The following SYNPO variants were observed in gnomAD, a reference collection of about 807,000 sequenced individuals.
SYNPO encodes synaptopodin.
In SYNPO, 19 loss-of-function variants were observed where a neutral mutation model predicts 49.5. That is an observed-to-expected ratio of 0.38 (90% confidence interval 0.27 to 0.56). The LOEUF is 0.56. SYNPO is among the 20% of genes least tolerant of loss of function. SYNPO has a pLI of 0.68. For missense variants in SYNPO, 1,131 were observed against 1,248.3 expected, an observed-to-expected ratio of 0.91 and a Z score of 1.42; for synonymous variants, 536 against 548.0, an observed-to-expected ratio of 0.98 and a Z score of 0.31.
intron 2 of SYNPO, chr5:150,652,189 T>G (rs965717200): frequency 2.0e-6 from 2 of 1,000,976 alleles, no homozygotes; most frequent in Non-Finnish European, 2.4e-6. Flanking sequence ...CAGAACAGAG[T>G]GAAGCCCCTG....
chr5:150,658,701 C>T lies in SYNPO; in HGVS notation c.*1614C>T, dbSNP rs748542558. 5 of 152,382 alleles carry T rather than the reference C, an allele frequency of 3.3e-5. No homozygotes were observed. The highest frequency in any genetic ancestry group is 1.2e-4 in the African/African-American group (5 of 41,388). 9.4% of individuals were successfully genotyped at this position (152,382 alleles called of 1,614,324 possible). A position where few individuals can be genotyped will look rare whatever the true frequency, so the allele number is the denominator to read the frequency against. On this transcript the variant is annotated 3_prime_UTR_variant, in exon 3 of 3. Coordinates refer to ENST00000307662, the MANE Select transcript of SYNPO (RefSeq NM_007286.6). ...AGGGACAGTTTGGGTTTGGGACTTA[C>T]CGGGGTGATGTTAGATCTGGAACCC...
intron 2 of SYNPO, among the ~76,000 whole-genome samples, chr5:150,635,045 G>T (rs1163918923): frequency 6.6e-6 from 1 of 152,228 alleles, no homozygotes; most frequent in Non-Finnish European, 1.5e-5. Flanking sequence ...CCAGGAGCAT[G>T]TGCCCTCAAG....
At chr5:150,592,805 T>C in the SYNPO span, among the ~76,000 whole-genome samples, 4 of 152,198 alleles carry the variant, frequency 2.6e-5, no homozygotes, top group Non-Finnish European at 2.9e-5. Context: ...TTTGCCCAAA[T>C]CACACCCTCT....
Position 150,649,982 on chromosome 5 carries a change from C to T in SYNPO, c.1707C>T (p.Pro569=), listed in dbSNP as rs1758298564. 1 of 1,612,800 alleles carries T rather than the reference C, an allele frequency of 6.2e-7. No individual in the cohort carries two copies. Among genetic ancestry groups the T allele is most frequent in the South Asian group, 1.1e-5 (1 of 91,096 alleles). ...AGCAGCCGCCATACCAGCTGCGCCCCTCGCTCTTTGTCCTCTCACCTATCA... is the reference window on the plus strand; with the variant it reads ...AGCAGCCGCCATACCAGCTGCGCCCTTCGCTCTTTGTCCTCTCACCTATCA... The part of the protein sequence containing the change: ...PTKQPPYQLR[P]SLFVLSPIKE... Residue 569 remains proline, a synonymous_variant, in exon 2 of 3, where the codon CCC becomes CCT. Transcript: ENST00000307662.
chr5:150,616,489 C>T (rs540234843), intron 1 of SYNPO, among the ~76,000 whole-genome samples: 22 of 152,334 alleles, frequency 1.4e-4, no homozygotes, highest in Non-Finnish European at 2.4e-4. Flanking sequence ...CTCTGTCTTA[C>T]GCACTACCTG....
intron 2 of SYNPO, chr5:150,624,974 G>T: frequency 3.0e-6 from 3 of 985,440 alleles, no homozygotes; most frequent in Non-Finnish European, 3.6e-6. Context: ...TCCCACCTGC[G>T]CTATTCCCGG....
chr5:150,656,430 C>T lies in SYNPO; in HGVS notation c.2055C>T (p.Ser685=). The T allele has an allele frequency of 1.3e-6, 2 of 1,532,162 alleles. No individual in the cohort carries two copies. Among genetic ancestry groups the T allele is most frequent in the Non-Finnish European group, 1.7e-6 (2 of 1,145,346 alleles). 94.9% of individuals were successfully genotyped at this position (1,532,162 alleles called of 1,614,324 possible). A position where few individuals can be genotyped will look rare whatever the true frequency, so the allele number is the denominator to read the frequency against. ...ACCGCCGGGAGAGCCTGCCCACCTC[C>T]CCACCCTGGACGCCGGGCGCGTCCC... ...AQDRRESLPT[S]PPWTPGASRP... is the part of the protein sequence containing the mutation. Residue 685 remains serine, a synonymous_variant, in exon 3 of 3, where the codon TCC becomes TCT. Coordinates refer to ENST00000307662, the MANE Select transcript of SYNPO (RefSeq NM_007286.6).
chr5:150,590,866 G>C, the SYNPO span, among the ~76,000 whole-genome samples: 58,481 of 151,956 alleles, frequency 0.38, 11,561 homozygotes, highest in Middle Eastern at 0.53. Context: ...AGAAGAGGCT[G>C]GTGCAGCATA....
intron 2 of SYNPO, among the ~76,000 whole-genome samples, chr5:150,630,526 G>A (rs978005724): frequency 6.6e-6 from 1 of 152,186 alleles, no homozygotes; most frequent in African/African-American, 2.4e-5. Flanking sequence ...GGAGTTGGGG[G>A]ATGGGGAGAG....
At chr5:150,605,749 C>G (rs1756673745) in intron 1 of SYNPO, among the ~76,000 whole-genome samples, 1 of 135,908 alleles carries the variant, frequency 7.4e-6, no homozygotes, top group Non-Finnish European at 1.5e-5. Flanking sequence ...CCCCACCACA[C>G]ACACACACAT....
At chr5:150,642,345 C>T (rs1403693057) in intron 1 of SYNPO, among the ~76,000 whole-genome samples, 4 of 152,206 alleles carry the variant, frequency 2.6e-5, no homozygotes, top group Non-Finnish European at 5.9e-5. Context: ...CTTCAGGGCT[C>T]CTGATCCAGT....
intron 1 of SYNPO, among the ~76,000 whole-genome samples, chr5:150,603,086 T>C (rs570183121): frequency 2.7e-5 from 4 of 149,226 alleles, no homozygotes; most frequent in East Asian, 2.0e-4. Flanking sequence ...GGGGATGGAA[T>C]GCGCAGAGCT....
intron 2 of SYNPO, among the ~76,000 whole-genome samples, chr5:150,621,006 G>T (rs1757155146): frequency 7.2e-6 from 1 of 139,290 alleles, no homozygotes; most frequent in African/African-American, 2.7e-5. Context: ...AGGCTGGAGT[G>T]CAGTGGCATG....
chr5:150,604,553 A>G (rs1756638618), intron 1 of SYNPO, among the ~76,000 whole-genome samples: 1 of 152,144 alleles, frequency 6.6e-6, no homozygotes, highest in Non-Finnish European at 1.5e-5. Context: ...ACCGGTGGCA[A>G]TGTTAACTTT....
At chr5:150,628,741 T>C (rs767593679) in intron 2 of SYNPO, among the ~76,000 whole-genome samples, 1 of 152,168 alleles carries the variant, frequency 6.6e-6, no homozygotes, top group Non-Finnish European at 1.5e-5. Flanking sequence ...AAACCCCGTC[T>C]CTACTAAAAA....
chr5:150,634,700 A>G (rs1454055582), intron 2 of SYNPO, among the ~76,000 whole-genome samples: 1 of 152,076 alleles, frequency 6.6e-6, no homozygotes, highest in African/African-American at 2.4e-5. Context: ...GCATGCCTGT[A>G]GTCCCAGCTA....
the SYNPO span, among the ~76,000 whole-genome samples, chr5:150,587,299 A>G: frequency 6.6e-6 from 1 of 151,834 alleles, no homozygotes; most frequent in African/African-American, 2.4e-5. Context: ...TATGTGGATG[A>G]TGCATGTATG....
At position 150,649,134 on chromosome 5, in the gene SYNPO, C is replaced by A; in HGVS notation, c.859C>A (p.His287Asn). ...AGACAGGAGCCCCCGGCCACAGAGA[C>A]ACATAATGTCCCGCAGCCCCATGGT... is the stretch of plus-strand genomic sequence containing the variant. ...LPDRSPRPQR[H>N]IMSRSPMVER... The change falls in exon 2 of 3, where the codon CAC becomes AAC. Residue 287 changes from histidine to asparagine, a missense_variant. His to Asn is a moderately conservative substitution (Grantham distance 68). Around this residue, in one of 4 missense-constraint regions of SYNPO, gnomAD observed 602 missense variants for 720.7 expected, o/e 0.84. Transcript: ENST00000307662. The A allele has an allele frequency of 1.2e-6, 2 of 1,614,126 alleles. No individual in the cohort carries two copies. Among genetic ancestry groups the A allele is most frequent in the Non-Finnish European group, 1.7e-6 (2 of 1,180,004 alleles).
chr5:150,614,376 G>A (rs537459563), intron 1 of SYNPO, among the ~76,000 whole-genome samples: 4 of 152,302 alleles, frequency 2.6e-5, no homozygotes, highest in South Asian at 2.1e-4. Context: ...TGTCTTGGCC[G>A]GCCCTCAGAC....
Sources: gnomAD v4.1 joint callset for allele counts (sites outside exome capture counted in the v4.1 genomes callset) on GRCh38, gnomAD v4.1.1 for gene constraint, gnomAD v4.1.1 regional missense constraint, MANE v1.5 for transcripts, NCBI Gene and HGNC (gene_info 2026-07-23, HGNC 2026-07-21) for gene names.